FMN2: variants seen among roughly 807,000 people sequenced by gnomAD.
FMN2 encodes the protein formin 2.
A neutral mutation model predicts 142.3 loss-of-function variants in FMN2; 51 were observed. The ratio of observed to expected loss-of-function variants is 0.36; its 90% CI spans 0.29 to 0.45. The LOEUF is 0.45. Among genes scored for constraint, FMN2 ranks in the 20% least tolerant of loss-of-function variants. The pLI is 1.00. For missense variants in FMN2, 1,936 were observed against 2,122.8 expected (o/e 0.91, Z 1.73); for synonymous variants, 882 against 869.8 (o/e 1.01, Z -0.25).
intron 1 of FMN2, among the ~76,000 whole-genome samples, chr1:240,122,218 G>T (rs1445479812): frequency 6.6e-6 from 1 of 151,640 alleles, no homozygotes; most frequent in Non-Finnish European, 1.5e-5. Flanking sequence ...CTCCTGAGTA[G>T]CTGGGATTAT....
intron 7 of FMN2, among the ~76,000 whole-genome samples, chr1:240,271,115 T>TTTTTTTTTTTTTTTTTTTTTTTTTTTTTC: frequency 6.8e-6 from 1 of 147,494 alleles, no homozygotes; most frequent in Non-Finnish European, 1.5e-5. Context: ...TTTTTTTTTT[T>TTTTTTTTTTTTTTTTTTTTTTTTTTTTTC]TTGTGACTCT....
At chr1:240,429,176 T>C (rs1428213381) in intron 15 of FMN2, among the ~76,000 whole-genome samples, 6 of 152,202 alleles carry the variant, frequency 3.9e-5, no homozygotes, top group Non-Finnish European at 8.8e-5. Flanking sequence ...AATTTTGAGT[T>C]TTGTTTTCAT....
At chr1:240,103,605 T>C (rs189298130) in intron 1 of FMN2, among the ~76,000 whole-genome samples, 1 of 152,328 alleles carries the variant, frequency 6.6e-6, no homozygotes, top group East Asian at 1.9e-4. Context: ...TCTCTTTTCT[T>C]TTCCTAAGTA....
chr1:240,283,435 C>T (rs1156928531), intron 7 of FMN2, among the ~76,000 whole-genome samples: 4 of 152,160 alleles, frequency 2.6e-5, no homozygotes, highest in African/African-American at 9.7e-5. Flanking sequence ...TCAGGCATTT[C>T]GGCCTTTGTG....
intron 14 of FMN2, among the ~76,000 whole-genome samples, chr1:240,360,277 C>T (rs972778934): frequency 6.6e-6 from 1 of 152,150 alleles, no homozygotes; most frequent in African/African-American, 2.4e-5. Flanking sequence ...CGATGAGAAA[C>T]AGTTACATGA....
At chr1:240,149,447 T>G (rs1231921894) in intron 2 of FMN2, among the ~76,000 whole-genome samples, 1 of 152,232 alleles carries the variant, frequency 6.6e-6, no homozygotes, top group African/African-American at 2.4e-5. Context: ...TGTTGGTTAA[T>G]TCTAGCATTT....
At chr1:240,220,526 G>T (rs1047164068) in intron 6 of FMN2, among the ~76,000 whole-genome samples, 1 of 151,936 alleles carries the variant, frequency 6.6e-6, no homozygotes, top group Non-Finnish European at 1.5e-5. Flanking sequence ...AAGTAGGGAG[G>T]GTGTGAATAC....
At chr1:240,263,696 C>A (rs549382412) in intron 7 of FMN2, among the ~76,000 whole-genome samples, 1 of 152,110 alleles carries the variant, frequency 6.6e-6, no homozygotes. Context: ...ACTCCCTCTG[C>A]AAAAATATTT....
intron 15 of FMN2, among the ~76,000 whole-genome samples, chr1:240,433,994 G>C (rs1049122137): frequency 1.3e-5 from 2 of 152,118 alleles, no homozygotes; most frequent in Non-Finnish European, 2.9e-5. Flanking sequence ...AGCTCTGCAG[G>C]TACCTCGATT....
intron 7 of FMN2, among the ~76,000 whole-genome samples, chr1:240,290,639 C>T (rs1669747426): frequency 6.6e-6 from 1 of 152,048 alleles, no homozygotes; most frequent in South Asian, 2.1e-4. Context: ...AGTTTAGTGT[C>T]TTGATCAAAG....
At chr1:240,122,423 A>G (rs996156333) in intron 1 of FMN2, among the ~76,000 whole-genome samples, 1 of 151,962 alleles carries the variant, frequency 6.6e-6, no homozygotes, top group Non-Finnish European at 1.5e-5. Context: ...AACTGGGATT[A>G]AGGAGCCCGC....
rs753618820 is a variant in FMN2, at chr1:240,474,913, A to G, written c.*759A>G. Reference sequence around the variant, plus strand: ...AAGAAAACCAATGTTCTAAATCATAATTGTTTGTATTTATGTAAAGTATGG... The same window carrying G: ...AAGAAAACCAATGTTCTAAATCATAGTTGTTTGTATTTATGTAAAGTATGG... On this transcript the variant is annotated 3_prime_UTR_variant, in exon 18 of 18. Coordinates refer to ENST00000319653, the MANE Select transcript of FMN2 (RefSeq NM_020066.5). 1.3e-4 allele frequency: 20 copies of G among 152,578 alleles called. No individual in the cohort carries two copies. The highest frequency in any genetic ancestry group is 2.8e-4 in the Non-Finnish European group (19 of 68,026). 9.5% of individuals were successfully genotyped at this position (152,578 alleles called of 1,614,324 possible). A position where few individuals can be genotyped will look rare whatever the true frequency, so the allele number is the denominator to read the frequency against.
intron 16 of FMN2, among the ~76,000 whole-genome samples, chr1:240,443,993 A>C (rs1028343789): frequency 5.9e-5 from 9 of 152,144 alleles, no homozygotes; most frequent in Non-Finnish European, 1.3e-4. Flanking sequence ...AAAGAGATAC[A>C]GATTGACTAA....
chr1:240,410,838 C>T (rs1048220746), intron 15 of FMN2, among the ~76,000 whole-genome samples: 13 of 152,076 alleles, frequency 8.5e-5, no homozygotes, highest in Admixed American at 8.5e-4. Context: ...GACATAGTTG[C>T]AAAAGTCAAT....
chr1:240,145,157 G>A, intron 2 of FMN2: 2 of 1,476,318 alleles, frequency 1.4e-6, no homozygotes, highest in South Asian at 1.2e-5. Flanking sequence ...CTCCAGCGCT[G>A]GTCGATACAG....
intron 14 of FMN2, among the ~76,000 whole-genome samples, chr1:240,384,685 T>C (rs1000634559): frequency 2.0e-5 from 3 of 152,162 alleles, no homozygotes; most frequent in African/African-American, 7.2e-5. Context: ...ACTGTACTCA[T>C]AACTAATTTG....
chr1:240,294,351 G>A (rs762391363), intron 7 of FMN2, among the ~76,000 whole-genome samples: 1 of 152,056 alleles, frequency 6.6e-6, no homozygotes. Context: ...AATATTTTGA[G>A]GAATTATAAT....
At chr1:240,337,536 T>C (rs1048143522) in intron 13 of FMN2, among the ~76,000 whole-genome samples, 1 of 152,246 alleles carries the variant, frequency 6.6e-6, no homozygotes, top group Non-Finnish European at 1.5e-5. Flanking sequence ...GGCAAGTTGT[T>C]ATAACAAGGT....
intron 2 of FMN2, among the ~76,000 whole-genome samples, chr1:240,159,687 A>G (rs931477803): frequency 2.8e-4 from 43 of 152,100 alleles, no homozygotes; most frequent in African/African-American, 1.0e-3. Context: ...TATTTAACCT[A>G]ACCTGTTTGT....
Sources: gnomAD v4.1 joint callset for allele counts (sites outside exome capture counted in the v4.1 genomes callset) on GRCh38, gnomAD v4.1.1 for gene constraint, MANE v1.5 for transcripts, NCBI Gene and HGNC (gene_info 2026-07-23, HGNC 2026-07-21) for gene names.